The following PHF21A variants were observed in gnomAD, a reference collection of about 807,000 sequenced individuals.
The protein encoded by PHF21A is PHD finger protein 21A, also known as BHC80a.
PHF21A carries 11 observed loss-of-function variants against 82.5 expected under a neutral mutation model. That is an observed-to-expected ratio of 0.13 (90% CI 0.08 to 0.22). PHF21A has a LOEUF of 0.22. Ranked by LOEUF, PHF21A falls within the 10% of genes least tolerant of loss-of-function variation. The pLI is 1.00. For synonymous variants in PHF21A, 297 were observed against 302.8 expected (o/e 0.98, Z 0.20); for missense variants, 579 against 837.8 (o/e 0.69, Z 3.81).
chr11:46,068,444 T>G lies in PHF21A; in HGVS notation c.153+8310A>C, dbSNP rs1328218490. The stretch of plus-strand genomic sequence containing the variant: ...AGTAGAGAGGTGGTGTCAGTTATAT[T>G]GGCTCCTAAAAAGCATTCGTTATTC... On this transcript the variant is annotated intron_variant, in intron 6 of 18. Coordinates refer to ENST00000676320, the MANE Select transcript of PHF21A (RefSeq NM_001352027.3). 2.0e-5 allele frequency among the ~76,000 whole-genome samples: 3 copies of G among 152,316 alleles called. No individual in the cohort carries two copies. The East Asian group carries it at 5.8e-4, about 29-fold the overall frequency.
chr11:45,979,838 T>C lies in PHF21A; in HGVS notation c.282A>G (p.Gln94=). 6.2e-7 allele frequency: 1 copy of C among 1,614,156 alleles called. No individual in the cohort carries two copies. The highest frequency in any genetic ancestry group is 8.5e-7 in the Non-Finnish European group (1 of 1,180,016). Residue 94 remains glutamine, a synonymous_variant, in exon 7 of 19, where the codon CAA becomes CAG. Transcript: ENST00000676320. ...LQTAQQQPLQ[Q]LQQQQQYHHH... ...GGTGGTACTGCTGCTGTTGTTGTAG[T>C]TGCTGTAGTGGTTGCTGCTGTGCTG...
intron 6 of PHF21A, among the ~76,000 whole-genome samples, chr11:45,999,611 T>C (rs1314455106): frequency 1.3e-5 from 2 of 152,148 alleles, no homozygotes; most frequent in Non-Finnish European, 2.9e-5. Context: ...ATGTATAATT[T>C]AGGAGGAGCT....
intron 1 of PHF21A, among the ~76,000 whole-genome samples, chr11:46,105,616 A>T (rs1041869956): frequency 1.3e-5 from 2 of 151,034 alleles, no homozygotes; most frequent in South Asian, 2.1e-4. Flanking sequence ...CAAACACCAT[A>T]AAAAAAAACA....
chr11:46,027,416 C>T (rs1197437634), intron 6 of PHF21A, among the ~76,000 whole-genome samples: 1 of 152,208 alleles, frequency 6.6e-6, no homozygotes, highest in South Asian at 2.1e-4. Context: ...TAATTCTGCA[C>T]TCAATCGCAG....
rs2093718860 is a variant in PHF21A at position 45,971,168 on chromosome 11, G to A, written c.560C>T (p.Thr187Ile). 6.2e-7 allele frequency: 1 copy of A among 1,614,206 alleles called. No homozygotes were observed. The highest frequency in any genetic ancestry group is 1.3e-5 in the African/African-American group (1 of 75,056). Residue 187 changes from threonine (T) to isoleucine (I), a missense_variant, in exon 8 of 19, where the codon ACT becomes ATT. Thr to Ile is a moderately conservative substitution (Grantham distance 89). Around this residue, in one of 3 missense-constraint regions of PHF21A, gnomAD observed 410 missense variants for 642.1 expected, o/e 0.64. Coordinates refer to ENST00000676320, the MANE Select transcript of PHF21A (RefSeq NM_001352027.3). ...TTGGACAGCCTCTGCCCCAGGCCCA[G>A]TGACCTTACTAGACGTCTGGAGGTT... ...PVNLQTSSKV[T>I]GPGAEAVQIV... is the part of the protein sequence containing the mutation.
chr11:45,976,999 G>A (rs979675289), intron 7 of PHF21A, among the ~76,000 whole-genome samples: 5 of 152,274 alleles, frequency 3.3e-5, no homozygotes, highest in African/African-American at 1.2e-4. Flanking sequence ...AAATATGTCA[G>A]GTGGGCTACT....
intron 2 of PHF21A, 48 bp from the exon 3 acceptor site, chr11:46,090,614 A>C (rs899068225): frequency 2.0e-5 from 3 of 152,188 alleles, no homozygotes; most frequent in African/African-American, 7.2e-5. Flanking sequence ...GCATTTCCCA[A>C]ATTACTTGAC....
chr11:46,100,518 G>A (rs1326435604), intron 1 of PHF21A, among the ~76,000 whole-genome samples: 2 of 152,102 alleles, frequency 1.3e-5, no homozygotes, highest in African/African-American at 2.4e-5. Flanking sequence ...GTCTTCTTAA[G>A]TATAATTTTT....
At chr11:46,041,023 C>T (rs545904756) in intron 6 of PHF21A, among the ~76,000 whole-genome samples, 1 of 151,640 alleles carries the variant, frequency 6.6e-6, no homozygotes, top group African/African-American at 2.4e-5. Flanking sequence ...TTTGAACATG[C>T]CTCTACAGTA....
intron 7 of PHF21A, among the ~76,000 whole-genome samples, chr11:45,973,644 G>GTATATTAA (rs928804710): frequency 6.4e-4 from 97 of 152,314 alleles, no homozygotes; most frequent in African/African-American, 2.2e-3. Context: ...ATTAGAAATG[G>GTATATTAA]TATATTAATA....
intron 6 of PHF21A, among the ~76,000 whole-genome samples, chr11:46,022,663 T>C (rs908345074): frequency 1.3e-5 from 2 of 152,176 alleles, no homozygotes; most frequent in African/African-American, 4.8e-5. Context: ...GGTCTCACTA[T>C]GTTACCCAGG....
chr11:45,965,216 A>G, intron 10 of PHF21A, 99 bp downstream of exon 10: 1 of 966,164 alleles, frequency 1.0e-6, no homozygotes, highest in Non-Finnish European at 1.6e-6. Context: ...TGGTGGTGAG[A>G]TGAAGAGCCC....
At chr11:46,115,491 T>C (rs2136123015) in intron 1 of PHF21A, among the ~76,000 whole-genome samples, 1 of 152,244 alleles carries the variant, frequency 6.6e-6, no homozygotes, top group East Asian at 1.9e-4. Flanking sequence ...TTATCTACAA[T>C]AAATTCAATG....
intron 10 of PHF21A, among the ~76,000 whole-genome samples, chr11:45,959,218 C>T (rs535298975): frequency 6.6e-6 from 1 of 152,182 alleles, no homozygotes; most frequent in African/African-American, 2.4e-5. Flanking sequence ...CCACTACACA[C>T]ACAAAAAAGG....
intron 6 of PHF21A, among the ~76,000 whole-genome samples, chr11:46,070,379 G>A (rs1565841653): frequency 6.6e-6 from 1 of 151,534 alleles, no homozygotes; most frequent in Non-Finnish European, 1.5e-5. Context: ...TGCCCAGGCT[G>A]GAGTGCAGTG....
At chr11:46,020,851 T>C (rs1172104597) in intron 6 of PHF21A, among the ~76,000 whole-genome samples, 3 of 152,212 alleles carry the variant, frequency 2.0e-5, no homozygotes, top group Non-Finnish European at 4.4e-5. Context: ...ACCAAAGCGA[T>C]ATGCATTCAG....
chr11:45,934,276 G>C lies in PHF21A; in HGVS notation c.1789-51C>G, dbSNP rs778144530. 4 of 1,568,330 alleles carry C rather than the reference G, an allele frequency of 2.6e-6. No homozygotes were observed. In the East Asian group the frequency reaches 8.9e-5, roughly 35 times the overall value. On this transcript the variant is annotated intron_variant, in intron 18 of 18. Coordinates refer to ENST00000676320, the MANE Select transcript of PHF21A (RefSeq NM_001352027.3). The stretch of plus-strand genomic sequence containing the variant: ...CACTGAGCCGCCTGGTTTCTAACAG[G>C]CCTGGCAGCCCCTAAGAGCAGAGCG...
intron 1 of PHF21A, among the ~76,000 whole-genome samples, chr11:46,103,030 C>G (rs2097114446): frequency 6.6e-6 from 1 of 152,032 alleles, no homozygotes; most frequent in Non-Finnish European, 1.5e-5. Flanking sequence ...TCTGGGCAAT[C>G]ACCGGCGGCA....
At chr11:45,938,703 T>C (rs1388051052) in intron 15 of PHF21A, among the ~76,000 whole-genome samples, 2 of 152,204 alleles carry the variant, frequency 1.3e-5, no homozygotes, top group Non-Finnish European at 2.9e-5. Context: ...CGATATACTG[T>C]AATAAAAGAT....
Sources: allele counts gnomAD v4.1 joint callset (sites outside exome capture counted in the v4.1 genomes callset), GRCh38; gene constraint gnomAD v4.1.1; regional missense constraint gnomAD v4.1.1; transcripts MANE v1.5; gene names NCBI Gene and HGNC (gene_info 2026-07-23, HGNC 2026-07-21).